The following USP6NL variants were observed in gnomAD, a reference collection of about 807,000 sequenced individuals.
The protein encoded by USP6NL is USP6 N-terminal like, also known as USP6 N-terminal-like protein.
Under a neutral mutation model 61.9 loss-of-function variants are expected in USP6NL, and 26 were observed. That is an observed-to-expected ratio of 0.42 (90% confidence interval 0.31 to 0.58). USP6NL has a LOEUF of 0.58. Ranked by LOEUF, USP6NL falls within the 20% of genes least tolerant of loss-of-function variation. USP6NL has a pLI of 0.16. For synonymous variants in USP6NL, 432 were observed against 390.1 expected (o/e 1.11, Z -1.27); for missense variants, 1,114 against 1,034.3 (o/e 1.08, Z -1.06).
chr10:11,546,551 G>A (rs1025188276), intron 2 of USP6NL, among the ~76,000 whole-genome samples: 5 of 151,096 alleles, frequency 3.3e-5, no homozygotes, highest in African/African-American at 4.9e-5. Flanking sequence ...ACAGGTGCCC[G>A]CCACCATGTC....
chr10:11,566,995 T>A (rs1301502212), intron 2 of USP6NL, among the ~76,000 whole-genome samples: 1 of 152,172 alleles, frequency 6.6e-6, no homozygotes, highest in Non-Finnish European at 1.5e-5. Context: ...ATGCCTGTAG[T>A]CCCAGCTACT....
intron 2 of USP6NL, among the ~76,000 whole-genome samples, chr10:11,535,458 C>A (rs978554073): frequency 6.6e-6 from 1 of 152,110 alleles, no homozygotes; most frequent in Non-Finnish European, 1.5e-5. Context: ...GCAATGATGA[C>A]CAAAGGCAAG....
chr10:11,610,591 C>A (rs1838855296), intron 1 of USP6NL, among the ~76,000 whole-genome samples: 1 of 150,874 alleles, frequency 6.6e-6, no homozygotes, highest in South Asian at 2.1e-4. Flanking sequence ...TTTCTTTCAA[C>A]AAGCAACATA....
rs201867333 is a variant in USP6NL at position 11,470,924 on chromosome 10, G to A, written c.1079-7075C>T. 7.9e-5 allele frequency among the ~76,000 whole-genome samples: 12 copies of A among 152,170 alleles called. No homozygotes were observed. Among genetic ancestry groups the A allele is most frequent in the Middle Eastern group, 3.4e-3 (1 of 294 alleles). ...TTGGAGGCCTGGCGTGGTGGCTCACGCCTGTAATCCCAGCACTTTGGGAGG... is the reference window on the plus strand; with the variant it reads ...TTGGAGGCCTGGCGTGGTGGCTCACACCTGTAATCCCAGCACTTTGGGAGG... On this transcript the variant is annotated intron_variant, in intron 14 of 14. Coordinates refer to ENST00000609104, the MANE Select transcript of USP6NL (RefSeq NM_014688.5). This position sits in a 1 kb window ranked among gnomAD's most constrained non-coding sequence, Gnocchi z 5.4.
At chr10:11,560,902 T>C (rs11257171) in intron 2 of USP6NL, among the ~76,000 whole-genome samples, 12,838 of 151,746 alleles carry the variant, frequency 0.085, 633 homozygotes, top group South Asian at 0.19. Flanking sequence ...AGCAGAAAAT[T>C]AGAAAACAGG....
Position 11,611,517 on chromosome 10 carries a change from CGCGGCGCGGCGCGGCG to C in USP6NL, c.-174_-159del. On this transcript the variant is annotated 5_prime_UTR_variant, in exon 1 of 15. Transcript: ENST00000609104. The surrounding 1 kb of genome is among the most constrained non-coding windows in gnomAD (Gnocchi z 5.3). ...GTCCCGGGCGGCCGAGCAGATCCGG[CGCGGCGCGGCGCGGCG>C]GCGGCGGCGGCTACCGCAGTGCCCT... 1 of 147,746 alleles carries C rather than the reference CGCGGCGCGGCGCGGCG, an allele frequency of 6.8e-6. No homozygotes were observed. Among genetic ancestry groups the C allele is most frequent in the Non-Finnish European group, 1.5e-5 (1 of 65,496 alleles). The allele number at this position is 147,746 out of a possible 1,614,324, so 9.2% of individuals were successfully genotyped here.
rs1263076711 is a variant in USP6NL, at chr10:11,463,255, T to C, written c.1673A>G (p.Glu558Gly). ...CTCCACGGAAGCGCCGCTGTCCAGC[T>C]CCGGGCCTGGCACGTTGTCGTACTG... ...ASQYDNVPGP[E>G]LDSGASVEEA... The change falls in exon 15 of 15, where the codon GAG (glutamate) becomes GGG (glycine). Residue 558 changes from glutamate to glycine, a missense_variant. Coordinates refer to ENST00000609104, the MANE Select transcript of USP6NL (RefSeq NM_014688.5). The surrounding 1 kb of genome is among the most constrained non-coding windows in gnomAD (Gnocchi z 6.3). The C allele has an allele frequency of 1.2e-6, 2 of 1,613,728 alleles. No homozygotes were observed. The highest frequency in any genetic ancestry group is 1.7e-6 in the Non-Finnish European group (2 of 1,179,896).
At position 11,575,166 on chromosome 10, in the gene USP6NL, C is replaced by G. The variant is rs142728041; in HGVS notation, c.4+22465G>C. On this transcript the variant is annotated intron_variant, in intron 2 of 14. Transcript: ENST00000609104. This position sits in a 1 kb window ranked among gnomAD's most constrained non-coding sequence, Gnocchi z 4.2. ...AGTAAGAGTTCAGATGGGTCAAAGA[C>G]TAAGTTTTAAACCTCAAGTCAAAAC... Among the ~76,000 whole-genome samples, 90 of 152,294 alleles carry G rather than the reference C, an allele frequency of 5.9e-4. 1 individual carries two copies. The highest frequency in any genetic ancestry group is 1.2e-3 in the Non-Finnish European group (80 of 68,010).
chr10:11,514,725 G>A (rs922480390), intron 5 of USP6NL, among the ~76,000 whole-genome samples: 1 of 152,162 alleles, frequency 6.6e-6, no homozygotes, highest in Non-Finnish European at 1.5e-5. Context: ...TGGAGAAGAT[G>A]TTCAAAACTA....
chr10:11,493,287 T>G, intron 7 of USP6NL, 59 bp from the exon 8 acceptor site: 7 of 1,397,402 alleles, frequency 5.0e-6, no homozygotes, highest in Non-Finnish European at 6.9e-6. Context: ...TTGAAAACTC[T>G]ATGACAAATA....
intron 5 of USP6NL, among the ~76,000 whole-genome samples, chr10:11,512,270 T>A (rs1241960029): frequency 6.6e-6 from 1 of 152,150 alleles, no homozygotes; most frequent in Non-Finnish European, 1.5e-5. Flanking sequence ...TACCCTTCTG[T>A]CCCTGACATG....
At chr10:11,509,192 C>T (rs915867107) in intron 6 of USP6NL, among the ~76,000 whole-genome samples, 1 of 152,228 alleles carries the variant, frequency 6.6e-6, no homozygotes, top group South Asian at 2.1e-4. Flanking sequence ...CTCTCTCTTT[C>T]TGAGCAGTAT....
chr10:11,601,871 A>G (rs1428271900), intron 1 of USP6NL, among the ~76,000 whole-genome samples: 1 of 152,212 alleles, frequency 6.6e-6, no homozygotes, highest in Non-Finnish European at 1.5e-5. Context: ...CTGTCTGACC[A>G]CTAAAGCTTC....
intron 2 of USP6NL, among the ~76,000 whole-genome samples, chr10:11,578,382 G>A (rs1167303911): frequency 1.3e-5 from 2 of 152,132 alleles, no homozygotes; most frequent in Non-Finnish European, 2.9e-5. Flanking sequence ...TAATAGAAGT[G>A]GTTCTAACCG....
At chr10:11,550,408 G>GT (rs756271205) in intron 2 of USP6NL, among the ~76,000 whole-genome samples, 31 of 152,086 alleles carry the variant, frequency 2.0e-4, no homozygotes, top group Non-Finnish European at 3.5e-4. Flanking sequence ...TTACAACCCA[G>GT]TAAGAAGAAA....
intron 2 of USP6NL, among the ~76,000 whole-genome samples, chr10:11,571,487 T>C (rs1402278947): frequency 2.0e-5 from 3 of 152,178 alleles, no homozygotes; most frequent in Admixed American, 6.5e-5. Context: ...TCTCAAACCA[T>C]TTATCGTAAT....
chr10:11,490,736 G>T lies in USP6NL; in HGVS notation c.543+96C>A. ...CTAAAGAGACCATGGAGACCACCTA[G>T]CTCTGAGATGCAGAAATGTGCCCAC... On this transcript the variant is annotated intron_variant, in intron 9 of 14. Transcript: ENST00000609104. The surrounding 1 kb of genome is among the most constrained non-coding windows in gnomAD (Gnocchi z 4.5). The T allele has an allele frequency of 8.2e-7, 1 of 1,223,310 alleles. No homozygotes were observed. The highest frequency in any genetic ancestry group is 1.1e-6 in the Non-Finnish European group (1 of 871,736). The allele number at this position is 1,223,310 out of a possible 1,614,324, so 75.8% of individuals were successfully genotyped here. A position where few individuals can be genotyped will look rare whatever the true frequency, so the allele number is the denominator to read the frequency against.
rs570543527 is a variant in USP6NL at position 11,476,186 on chromosome 10, A to T, written c.1078+5584T>A. Among the ~76,000 whole-genome samples the T allele has an allele frequency of 1.1e-3, 169 of 152,356 alleles. No homozygotes were observed. The highest frequency in any genetic ancestry group is 1.9e-3 in the Non-Finnish European group (130 of 68,032). The stretch of plus-strand genomic sequence containing the variant: ...TGGTGAGAAAAACAGCTTAACAGGC[A>T]GCCTAAGGGACAACTGGAAATCTTC... On this transcript the variant is annotated intron_variant, in intron 14 of 14. Coordinates refer to ENST00000609104, the MANE Select transcript of USP6NL (RefSeq NM_014688.5). This position sits in a 1 kb window ranked among gnomAD's most constrained non-coding sequence, Gnocchi z 4.3.
Position 11,591,450 on chromosome 10 carries a change from T to C in USP6NL, c.4+6181A>G, listed in dbSNP as rs1056088382. On this transcript the variant is annotated intron_variant, in intron 2 of 14. Transcript: ENST00000609104. The surrounding 1 kb of genome is among the most constrained non-coding windows in gnomAD (Gnocchi z 4.7). ...AAGAATAAAAATATAATAGTAGGTA[T>C]ATAATTTGAAATTTTAAGATTTAAC... Among the ~76,000 whole-genome samples the C allele has an allele frequency of 3.9e-5, 6 of 152,164 alleles. No individual in the cohort carries two copies. Among genetic ancestry groups the C allele is most frequent in the South Asian group, 2.1e-4 (1 of 4,834 alleles).
Sources: gnomAD v4.1 joint callset for allele counts (sites outside exome capture counted in the v4.1 genomes callset) on GRCh38, gnomAD v4.1.1 for gene constraint, Gnocchi (gnomAD v3.1) non-coding constraint, MANE v1.5 for transcripts, NCBI Gene and HGNC (gene_info 2026-07-23, HGNC 2026-07-21) for gene names.